RPAP2: variants seen among roughly 807,000 people sequenced by gnomAD.
The protein encoded by RPAP2 is RNA polymerase II associated protein 2, also known as putative RNA polymerase II subunit B1 CTD phosphatase RPAP2.
In RPAP2, 52 loss-of-function variants were observed where a neutral mutation model predicts 73.1. The observed-to-expected ratio is 0.71, with a 90% CI of 0.57 to 0.90. RPAP2 has a LOEUF of 0.90. Among genes scored for constraint, RPAP2 ranks in the 40% least tolerant of loss-of-function variants. RPAP2 has a pLI of 0.00. For synonymous variants in RPAP2, 225 were observed against 242.1 expected, an observed-to-expected ratio of 0.93 and a Z score of 0.65; for missense variants, 598 against 701.8, an observed-to-expected ratio of 0.85 and a Z score of 1.67.
Position 92,401,035 on chromosome 1 carries a change from AT to A in RPAP2, c.*14025del, listed in dbSNP as rs11320146. 71,638 of 151,920 alleles carry A rather than the reference AT, an allele frequency of 0.47. 17,926 individuals carry two copies. Among genetic ancestry groups the A allele is most frequent in the East Asian group, 0.96 (4,971 of 5,156 alleles). The allele number at this position is 151,920 out of a possible 1,614,324, so 9.4% of individuals were successfully genotyped here. A position where few individuals can be genotyped will look rare whatever the true frequency, so the allele number is the denominator to read the frequency against. On this transcript the variant is annotated 3_prime_UTR_variant, in exon 13 of 13. Transcript: ENST00000610020. ...CAGAGCAAAGTGGGGCAAAGCCTCT[AT>A]AAAGCCATCAGATCTCATGAGAACT...
intron 11 of RPAP2, among the ~76,000 whole-genome samples, chr1:92,364,244 A>G (rs1381186060): frequency 1.3e-5 from 2 of 152,190 alleles, no homozygotes; most frequent in African/African-American, 4.8e-5. Flanking sequence ...GCCATCTATT[A>G]TAGGTATGGA....
intron 11 of RPAP2, among the ~76,000 whole-genome samples, chr1:92,346,199 T>C (rs1653889895): frequency 6.6e-6 from 1 of 152,060 alleles, no homozygotes; most frequent in South Asian, 2.1e-4. Context: ...GGTCTCGCTC[T>C]GTTGCCCATG....
chr1:92,385,611 G>A (rs1655833500), intron 12 of RPAP2, among the ~76,000 whole-genome samples: 1 of 151,994 alleles, frequency 6.6e-6, no homozygotes, highest in South Asian at 2.1e-4. Context: ...TTAATATCTA[G>A]TAACCTTTTG....
intron 6 of RPAP2, among the ~76,000 whole-genome samples, chr1:92,313,782 T>C (rs1472704982): frequency 4.6e-5 from 7 of 152,248 alleles, no homozygotes; most frequent in Non-Finnish European, 5.9e-5. Flanking sequence ...GAAAATTTGT[T>C]TAGTGTAGCT....
Position 92,320,606 on chromosome 1 carries a change from G to A in RPAP2, c.496G>A (p.Asp166Asn). ...VWVREEERHP[D>N]FQLLKEEQSG... is the part of the protein sequence containing the mutation. Reference sequence around the variant, plus strand: ...TCTGTGTTCTTATTACAGGCATCCTGATTTTCAACTGCTAAAGGAAGAACA... The same window carrying A: ...TCTGTGTTCTTATTACAGGCATCCTAATTTTCAACTGCTAAAGGAAGAACA... The change falls in exon 7 of 13, where the codon GAT becomes AAT. Residue 166 changes from aspartate (D) to asparagine (N), a missense_variant. Physicochemically the swap from Asp to Asn is conservative, Grantham distance 23. Transcript: ENST00000610020. 1 of 1,610,996 alleles carries A rather than the reference G, an allele frequency of 6.2e-7. No homozygotes were observed.
chr1:92,348,164 C>T lies in RPAP2; in HGVS notation c.1688+2250C>T, dbSNP rs142816275. Among the ~76,000 whole-genome samples the T allele has an allele frequency of 1.5e-3, 229 of 152,316 alleles. 2 individuals are homozygous for T. In the East Asian group the frequency reaches 0.029, roughly 19 times the overall value. On this transcript the variant is annotated intron_variant, in intron 11 of 12. Transcript: ENST00000610020. ...TCGGCCTCCCAAAGTGCTGTGATTA[C>T]AGGCATGAGCCACTGCATCCGGCCT...
chr1:92,314,870 C>T (rs1422974866), intron 6 of RPAP2, among the ~76,000 whole-genome samples: 1 of 151,854 alleles, frequency 6.6e-6, no homozygotes, highest in Non-Finnish European at 1.5e-5. Flanking sequence ...CATGGCAAAA[C>T]CCCGTCTCTA....
intron 8 of RPAP2, 183 bp from the exon 9 acceptor site, chr1:92,333,205 CAAA>C (rs750333491): frequency 3.0e-4 from 163 of 543,614 alleles, no homozygotes; most frequent in South Asian, 1.6e-3. Flanking sequence ...GCAAATGACT[CAAA>C]GAAGTTCACA....
intron 6 of RPAP2, among the ~76,000 whole-genome samples, chr1:92,310,392 G>T (rs1651520649): frequency 6.6e-6 from 1 of 152,114 alleles, no homozygotes; most frequent in Non-Finnish European, 1.5e-5. Context: ...AAGCTCTACA[G>T]AAATGTGATA....
intron 11 of RPAP2, among the ~76,000 whole-genome samples, chr1:92,370,827 C>CATTT (rs1338601969): frequency 1.3e-5 from 2 of 152,110 alleles, no homozygotes; most frequent in African/African-American, 4.8e-5. Context: ...CTGCTATTCT[C>CATTT]ATTTACCTAA....
chr1:92,316,445 T>C (rs1200747799), intron 6 of RPAP2, among the ~76,000 whole-genome samples: 1 of 152,194 alleles, frequency 6.6e-6, no homozygotes, highest in Non-Finnish European at 1.5e-5. Flanking sequence ...ATATTCCAAG[T>C]GATATATATG....
rs1655996043 is a variant in RPAP2, at chr1:92,390,121, A to C, written c.*3110A>C. The C allele has an allele frequency of 6.6e-6, 1 of 152,236 alleles. No homozygotes were observed. The highest frequency in any genetic ancestry group is 2.1e-4 in the South Asian group (1 of 4,824). The allele number at this position is 152,236 out of a possible 1,614,324, so 9.4% of individuals were successfully genotyped here. ...GATTCACCAAGGTTGAAATGAAGGA[A>C]AAACTGTTAAGGGCAGCCAGAGAGA... On this transcript the variant is annotated 3_prime_UTR_variant, in exon 13 of 13. Transcript: ENST00000610020.
intron 3 of RPAP2, 44 bp downstream of exon 3, chr1:92,301,634 C>A: frequency 1.2e-6 from 1 of 815,840 alleles, no homozygotes; most frequent in South Asian, 2.0e-5. Flanking sequence ...AGTATAACAT[C>A]TTTAAATCTG....
At chr1:92,348,616 C>T (rs1449854557) in intron 11 of RPAP2, among the ~76,000 whole-genome samples, 1 of 152,066 alleles carries the variant, frequency 6.6e-6, no homozygotes, top group Non-Finnish European at 1.5e-5. Context: ...TCAGAAATTC[C>T]CCTTTAGCTT....
At chr1:92,300,592 A>G (rs1650768826) in intron 2 of RPAP2, among the ~76,000 whole-genome samples, 1 of 152,228 alleles carries the variant, frequency 6.6e-6, no homozygotes, top group South Asian at 2.1e-4. Context: ...TCTTTGTTAC[A>G]TCAAGTCCAG....
chr1:92,375,210 C>T (rs1655335950), intron 11 of RPAP2, among the ~76,000 whole-genome samples: 1 of 152,068 alleles, frequency 6.6e-6, no homozygotes, highest in African/African-American at 2.4e-5. Flanking sequence ...ATATGTTTTA[C>T]ATGACTCCAA....
Position 92,336,402 on chromosome 1 carries a change from C to G in RPAP2, c.1594C>G (p.Leu532Val). ...QITLGDIYTQ[L>V]KNLVRTFRLT... ...TACATTGGGAGATATTTACACACAA[C>G]TTAAAAATCTTGTTCGAACTTTCAG... The change falls in exon 10 of 13, where the codon CTT (leucine) becomes GTT (valine). Residue 532 changes from leucine (L) to valine (V), a missense_variant. Around this residue, in one of 3 missense-constraint regions of RPAP2, gnomAD observed 506 missense variants for 612.8 expected, o/e 0.83. Coordinates refer to ENST00000610020, the MANE Select transcript of RPAP2 (RefSeq NM_024813.3). 1.2e-6 allele frequency: 2 copies of G among 1,608,824 alleles called. No individual in the cohort carries two copies. The highest frequency in any genetic ancestry group is 1.3e-5 in the African/African-American group (1 of 74,938).
At chr1:92,386,355 T>C (rs1456473117) in intron 12 of RPAP2, among the ~76,000 whole-genome samples, 1 of 152,188 alleles carries the variant, frequency 6.6e-6, no homozygotes, top group African/African-American at 2.4e-5. Context: ...TAGCATACCA[T>C]ACTGCCTTGG....
chr1:92,334,605 T>TG (rs1163019495), intron 9 of RPAP2, among the ~76,000 whole-genome samples: 3 of 152,026 alleles, frequency 2.0e-5, no homozygotes, highest in East Asian at 3.9e-4. Context: ...CCCAGAACTT[T>TG]GGGAGGCTGA....
Sources: allele counts gnomAD v4.1 joint callset (sites outside exome capture counted in the v4.1 genomes callset), GRCh38; gene constraint gnomAD v4.1.1; regional missense constraint gnomAD v4.1.1; transcripts MANE v1.5; gene names NCBI Gene and HGNC (gene_info 2026-07-23, HGNC 2026-07-21).